Variants in DOK6 observed in about 807,000 individuals in gnomAD.
The protein encoded by DOK6 is downstream of tyrosine kinase 6.
In DOK6, 22 loss-of-function variants were observed where a neutral mutation model predicts 44.0. That is an observed-to-expected ratio of 0.50 (90% CI 0.36 to 0.71). The LOEUF is 0.71. Ranked by LOEUF, DOK6 falls within the 30% of genes least tolerant of loss-of-function variation. DOK6 has a pLI of 0.00. For synonymous variants in DOK6, 166 were observed against 145.5 expected (o/e 1.14, Z -1.01); for missense variants, 340 against 416.4 (o/e 0.82, Z 1.60).
intron 3 of DOK6, among the ~76,000 whole-genome samples, chr18:69,632,584 C>A (rs1984714030): frequency 6.6e-6 from 1 of 152,090 alleles, no homozygotes; most frequent in Non-Finnish European, 1.5e-5. Flanking sequence ...CACCTGGTGG[C>A]CTTTGACAAC....
intron 1 of DOK6, among the ~76,000 whole-genome samples, chr18:69,406,460 A>T (rs1916207897): frequency 1.3e-5 from 2 of 152,234 alleles, no homozygotes; most frequent in South Asian, 2.1e-4. Flanking sequence ...CTATTAAATT[A>T]TTATGCCTAT....
chr18:69,607,296 C>T (rs192121114), intron 3 of DOK6, among the ~76,000 whole-genome samples: 65 of 152,012 alleles, frequency 4.3e-4, no homozygotes, highest in African/African-American at 1.5e-3. Context: ...GGAATATGAT[C>T]TAATTTATTT....
chr18:69,538,912 G>T (rs1982193877), intron 1 of DOK6, among the ~76,000 whole-genome samples: 1 of 151,958 alleles, frequency 6.6e-6, no homozygotes, highest in South Asian at 2.1e-4. Flanking sequence ...GTTTATCTAA[G>T]TCTCAGTTGC....
At chr18:69,650,107 A>C (rs1001893066) in intron 3 of DOK6, among the ~76,000 whole-genome samples, 3 of 152,024 alleles carry the variant, frequency 2.0e-5, no homozygotes, top group Non-Finnish European at 4.4e-5. Flanking sequence ...CTTTGTGCCT[A>C]CTGTCTATTG....
At chr18:69,570,386 C>G (rs1188099853) in intron 2 of DOK6, among the ~76,000 whole-genome samples, 1 of 151,176 alleles carries the variant, frequency 6.6e-6, no homozygotes, top group Non-Finnish European at 1.5e-5. Flanking sequence ...ACAACAGCAA[C>G]AACAAAAAAT....
At position 69,455,401 on chromosome 18, in the gene DOK6, A is replaced by C. The variant is rs138877256; in HGVS notation, c.66+54091A>C. 5.9e-5 allele frequency among the ~76,000 whole-genome samples: 9 copies of C among 152,332 alleles called. No individual in the cohort carries two copies. The East Asian group carries it at 1.7e-3, about 29-fold the overall frequency. On this transcript the variant is annotated intron_variant, in intron 1 of 7. Transcript: ENST00000382713. ...TAAGTCTGAAGAAAGCTTTTCATACACGGAGAGTCTGTAAGTTTATTTTGC... is the reference window on the plus strand; with the variant it reads ...TAAGTCTGAAGAAAGCTTTTCATACCCGGAGAGTCTGTAAGTTTATTTTGC...
chr18:69,657,779 G>A (rs1985406718), intron 3 of DOK6, among the ~76,000 whole-genome samples: 1 of 152,164 alleles, frequency 6.6e-6, no homozygotes. Context: ...ATTTTCACCT[G>A]TTTCATAAAT....
intron 7 of DOK6, among the ~76,000 whole-genome samples, chr18:69,816,475 C>T (rs1009305743): frequency 7.2e-5 from 11 of 152,294 alleles, no homozygotes; most frequent in East Asian, 3.9e-4. Flanking sequence ...AACAGATTAG[C>T]AGTAAAGAGA....
chr18:69,499,876 C>G (rs1980999752), intron 1 of DOK6, among the ~76,000 whole-genome samples: 1 of 152,094 alleles, frequency 6.6e-6, no homozygotes, highest in Non-Finnish European at 1.5e-5. Context: ...TCTATCTTTC[C>G]CTCACATTTT....
intron 3 of DOK6, among the ~76,000 whole-genome samples, chr18:69,649,688 G>T (rs1198029595): frequency 6.6e-6 from 1 of 152,104 alleles, no homozygotes; most frequent in Non-Finnish European, 1.5e-5. Context: ...TAAGGTCAAT[G>T]CATGGAAATC....
At chr18:69,752,306 A>C (rs1249271717) in intron 6 of DOK6, among the ~76,000 whole-genome samples, 1 of 152,206 alleles carries the variant, frequency 6.6e-6, no homozygotes, top group African/African-American at 2.4e-5. Flanking sequence ...TGTGAACACC[A>C]AATAACCTTA....
chr18:69,743,215 A>G (rs1239446705), intron 6 of DOK6, among the ~76,000 whole-genome samples: 1 of 152,234 alleles, frequency 6.6e-6, no homozygotes, highest in Non-Finnish European at 1.5e-5. Context: ...TATGTTTCAA[A>G]TATTTGAGAA....
intron 2 of DOK6, among the ~76,000 whole-genome samples, chr18:69,593,366 TG>T (rs1983665670): frequency 1.3e-5 from 2 of 151,126 alleles, no homozygotes; most frequent in Admixed American, 1.3e-4. Flanking sequence ...AACAAGGCCC[TG>T]TCTCTTAAAA....
At chr18:69,832,624 G>A (rs1981933934) in intron 7 of DOK6, 1 of 151,892 alleles carries the variant, frequency 6.6e-6, no homozygotes. Flanking sequence ...GCAAAGGTTG[G>A]CAGTGATTCC....
chr18:69,511,295 G>T (rs905290085), intron 1 of DOK6, among the ~76,000 whole-genome samples: 2 of 152,092 alleles, frequency 1.3e-5, no homozygotes, highest in African/African-American at 4.8e-5. Flanking sequence ...CAGTATATAA[G>T]ATGAGGCACA....
Position 69,401,196 on chromosome 18 carries a change from C to T in DOK6, c.-49C>T. Reference sequence around the variant, plus strand: ...AGACCCGGCGGCGGACGGCGGCTCTCGACTCCGGAGAGCGGATCGCGGGGC... The same window carrying T: ...AGACCCGGCGGCGGACGGCGGCTCTTGACTCCGGAGAGCGGATCGCGGGGC... On this transcript the variant is annotated 5_prime_UTR_variant, in exon 1 of 8. Transcript: ENST00000382713. 6.6e-7 allele frequency: 1 copy of T among 1,508,268 alleles called. No homozygotes were observed. Among genetic ancestry groups the T allele is most frequent in the Non-Finnish European group, 8.9e-7 (1 of 1,128,312 alleles). The allele number at this position is 1,508,268 out of a possible 1,614,324, so 93.4% of individuals were successfully genotyped here. A position where few individuals can be genotyped will look rare whatever the true frequency, so the allele number is the denominator to read the frequency against.
intron 1 of DOK6, among the ~76,000 whole-genome samples, chr18:69,433,668 GA>G (rs945060171): frequency 6.1e-5 from 9 of 146,616 alleles, no homozygotes; most frequent in African/African-American, 1.8e-4. Context: ...TGTATATATT[GA>G]AAAAAAAACA....
intron 1 of DOK6, among the ~76,000 whole-genome samples, chr18:69,416,636 C>T (rs898362059): frequency 1.3e-5 from 2 of 152,092 alleles, no homozygotes; most frequent in Non-Finnish European, 2.9e-5. Context: ...TAACAATATG[C>T]TCAAATCCTA....
At chr18:69,711,593 C>T (rs1986758409) in intron 5 of DOK6, among the ~76,000 whole-genome samples, 1 of 152,128 alleles carries the variant, frequency 6.6e-6, no homozygotes, top group Non-Finnish European at 1.5e-5. Flanking sequence ...AATATATTTG[C>T]TCCTTGAAAT....
Sources: gnomAD v4.1 joint callset for allele counts (sites outside exome capture counted in the v4.1 genomes callset) on GRCh38, gnomAD v4.1.1 for gene constraint, MANE v1.5 for transcripts, NCBI Gene and HGNC (gene_info 2026-07-23, HGNC 2026-07-21) for gene names.